The following NLK variants were observed in gnomAD, a reference collection of about 807,000 sequenced individuals.
NLK encodes the protein serine/threonine-protein kinase NLK.
Under a neutral mutation model 59.0 loss-of-function variants are expected in NLK, and 11 were observed. That is an observed-to-expected ratio of 0.19 (90% CI 0.12 to 0.31). The LOEUF (loss-of-function observed/expected upper bound fraction) is 0.31. Among genes scored for constraint, NLK ranks in the 10% least tolerant of loss-of-function variants. The probability of loss-of-function intolerance (pLI) is 1.00; values close to 1 mark genes in which losing one functional copy is unlikely to be tolerated. For missense variants in NLK, 410 were observed against 661.1 expected, an observed-to-expected ratio of 0.62 and a Z score of 4.16; for synonymous variants, 235 against 235.9, an observed-to-expected ratio of 1.00 and a Z score of 0.03.
At chr17:28,132,196 G>A (rs117755219) in intron 2 of NLK, among the ~76,000 whole-genome samples, 1 of 152,288 alleles carries the variant, frequency 6.6e-6, no homozygotes, top group Non-Finnish European at 1.5e-5. Context: ...CAGGGATGAT[G>A]CCTATTTTGT....
chr17:28,059,610 A>G (rs1909560182), intron 1 of NLK, among the ~76,000 whole-genome samples: 1 of 152,230 alleles, frequency 6.6e-6, no homozygotes, highest in Non-Finnish European at 1.5e-5. Flanking sequence ...TAAGCTCTTT[A>G]TTCTGTTTTA....
chr17:28,161,140 C>A lies in NLK; in HGVS notation c.645-20C>A. ...TAGGGGACTGAATTCGCCGAACTCT[C>A]CTTAACTTAAAACTTCAAGATATGT... On this transcript the variant is annotated intron_variant, in intron 3 of 10. Transcript: ENST00000407008. 7.0e-7 allele frequency: 1 copy of A among 1,419,082 alleles called. No homozygotes were observed. Among genetic ancestry groups the A allele is most frequent in the Non-Finnish European group, 1.0e-6 (1 of 1,002,100 alleles). The allele number at this position is 1,419,082 out of a possible 1,614,324, so 87.9% of individuals were successfully genotyped here.
intron 1 of NLK, among the ~76,000 whole-genome samples, chr17:28,113,532 T>A (rs944464465): frequency 1.3e-5 from 2 of 152,242 alleles, no homozygotes; most frequent in Non-Finnish European, 2.9e-5. Flanking sequence ...GGTGTTGCCA[T>A]GGCATTTGTA....
chr17:28,190,645 A>G lies in NLK; in HGVS notation c.1237-376A>G, dbSNP rs74348496. ...GTGAACGCATCTTCAGGATGCTGAC[A>G]CATATTTAGAAAATATAGCCTGTTA... On this transcript the variant is annotated intron_variant, in intron 8 of 10. Coordinates refer to ENST00000407008, the MANE Select transcript of NLK (RefSeq NM_016231.5). Among the ~76,000 whole-genome samples, 687 of 152,264 alleles carry G rather than the reference A, an allele frequency of 4.5e-3. 9 individuals are homozygous for G. Among genetic ancestry groups the G allele is most frequent in the African/African-American group, 0.016 (660 of 41,534 alleles).
chr17:28,075,390 T>C (rs980859784), intron 1 of NLK, among the ~76,000 whole-genome samples: 2 of 152,242 alleles, frequency 1.3e-5, no homozygotes, highest in Non-Finnish European at 2.9e-5. Flanking sequence ...AACCTTTCTC[T>C]ACCCCTGTGA....
At chr17:28,156,558 CTT>C (rs971344433) in intron 3 of NLK, among the ~76,000 whole-genome samples, 1 of 151,938 alleles carries the variant, frequency 6.6e-6, no homozygotes. Context: ...GCAACACACA[CTT>C]TTTTTGTGGG....
the NLK span, among the ~76,000 whole-genome samples, chr17:28,202,236 A>C: frequency 2.0e-5 from 3 of 152,188 alleles, no homozygotes; most frequent in African/African-American, 7.2e-5. Flanking sequence ...GTCTCTAAAA[A>C]AATTTTTTTA....
chr17:28,157,379 T>G (rs1191041288), intron 3 of NLK, among the ~76,000 whole-genome samples: 2 of 152,022 alleles, frequency 1.3e-5, no homozygotes, highest in Non-Finnish European at 2.9e-5. Context: ...TTAGTAGAGA[T>G]GGGGTTTCAC....
At chr17:28,054,689 A>G (rs1408566269) in intron 1 of NLK, among the ~76,000 whole-genome samples, 1 of 152,260 alleles carries the variant, frequency 6.6e-6, no homozygotes, top group East Asian at 1.9e-4. Flanking sequence ...GTTTAAAGAA[A>G]AATAATTTAC....
chr17:28,086,109 G>GT (rs1410399566), intron 1 of NLK, among the ~76,000 whole-genome samples: 1 of 152,054 alleles, frequency 6.6e-6, no homozygotes, highest in Non-Finnish European at 1.5e-5. Flanking sequence ...GGTAACTATA[G>GT]TTTTTTTAAA....
chr17:28,178,776 A>C (rs1233505436), intron 7 of NLK, among the ~76,000 whole-genome samples: 3 of 152,226 alleles, frequency 2.0e-5, no homozygotes, highest in Non-Finnish European at 4.4e-5. Context: ...GTCACCCCAG[A>C]GTGCTTACTA....
At chr17:28,073,344 G>C (rs1910069282) in intron 1 of NLK, among the ~76,000 whole-genome samples, 1 of 152,168 alleles carries the variant, frequency 6.6e-6, no homozygotes, top group Non-Finnish European at 1.5e-5. Context: ...AAGGGCCCCA[G>C]GTGGCCTCCT....
chr17:28,089,638 A>C (rs976018922), intron 1 of NLK, among the ~76,000 whole-genome samples: 3 of 152,232 alleles, frequency 2.0e-5, no homozygotes, highest in Middle Eastern at 6.8e-3. Flanking sequence ...AATTTTTTTA[A>C]GTTAAATTGT....
intron 1 of NLK, among the ~76,000 whole-genome samples, chr17:28,075,615 G>C (rs956616331): frequency 1.3e-5 from 2 of 152,162 alleles, no homozygotes; most frequent in Non-Finnish European, 2.9e-5. Context: ...TGAGTAAAAA[G>C]TGCCTCAACT....
Position 28,102,439 on chromosome 17 carries a change from A to G in NLK, c.459-20164A>G, listed in dbSNP as rs370740160. Among the ~76,000 whole-genome samples the G allele has an allele frequency of 4.0e-4, 61 of 152,150 alleles. 1 individual carries two copies. The highest frequency in any genetic ancestry group is 1.4e-3 in the African/African-American group (58 of 41,512). On this transcript the variant is annotated intron_variant, in intron 1 of 10. Transcript: ENST00000407008. Reference sequence around the variant, plus strand: ...GCTGAGGCAGGTGGATCATGAGGTCAGGAGATCGAGACTATCCTGGGCAAC... The same window carrying G: ...GCTGAGGCAGGTGGATCATGAGGTCGGGAGATCGAGACTATCCTGGGCAAC...
intron 5 of NLK, among the ~76,000 whole-genome samples, chr17:28,165,377 C>T (rs1908180983): frequency 6.6e-6 from 1 of 152,010 alleles, no homozygotes; most frequent in Non-Finnish European, 1.5e-5. Context: ...GGTTTTATAA[C>T]CTTGGACTGT....
At chr17:28,202,059 A>G in the NLK span, among the ~76,000 whole-genome samples, 1 of 152,098 alleles carries the variant, frequency 6.6e-6, no homozygotes, top group African/African-American at 2.4e-5. Context: ...TGATAGAGAA[A>G]AACTATGTGA....
chr17:28,189,081 G>A (rs182257706), intron 8 of NLK, among the ~76,000 whole-genome samples: 249 of 152,090 alleles, frequency 1.6e-3, no homozygotes, highest in Non-Finnish European at 2.8e-3. Flanking sequence ...CTCAGTGACA[G>A]GTCACCATCA....
chr17:28,157,772 A>G (rs1452195410), intron 3 of NLK, among the ~76,000 whole-genome samples: 1 of 152,230 alleles, frequency 6.6e-6, no homozygotes, highest in Non-Finnish European at 1.5e-5. Context: ...GTCTTCTGTT[A>G]ACGTCAATTT....
Sources: allele counts gnomAD v4.1 joint callset (sites outside exome capture counted in the v4.1 genomes callset), GRCh38; gene constraint gnomAD v4.1.1; transcripts MANE v1.5; gene names NCBI Gene and HGNC (gene_info 2026-07-23, HGNC 2026-07-21).